Variants in NPRL3 observed in about 807,000 individuals in gnomAD.
NPRL3 encodes NPR3 like, GATOR1 complex subunit.
NPRL3 carries 23 observed loss-of-function variants against 57.2 expected under a neutral mutation model. The observed-to-expected ratio is 0.40, with a 90% CI of 0.29 to 0.57. The LOEUF (loss-of-function observed/expected upper bound fraction) is 0.57, where lower values mean the gene tolerates loss of function less well. NPRL3 is among the 20% of genes least tolerant of loss of function. NPRL3 has a pLI of 0.42. For missense variants in NPRL3, 691 were observed against 767.1 expected (o/e 0.90, Z 1.17); for synonymous variants, 333 against 321.1 (o/e 1.04, Z -0.39).
chr16:131,507 T>C lies in NPRL3; in HGVS notation c.119-916A>G, dbSNP rs1900793389. ...AAAAAAAAAAAAAATTAGCCGGGCA[T>C]GGTGGTGGGCACCTGTAATCCCAGC... On this transcript the variant is annotated intron_variant, in intron 2 of 13. Transcript: ENST00000611875. 2.2e-5 allele frequency among the ~76,000 whole-genome samples: 3 copies of C among 135,100 alleles called. No homozygotes were observed. In the South Asian group the frequency reaches 6.8e-4, roughly 31 times the overall value. 88.6% of individuals were successfully genotyped at this position (135,100 alleles called of 152,430 possible). A position where few individuals can be genotyped will look rare whatever the true frequency, so the allele number is the denominator to read the frequency against.
At chr16:125,145 C>T (rs2562166) in intron 3 of NPRL3, 9,455 of 154,836 alleles carry the variant, frequency 0.061, 990 homozygotes, top group African/African-American at 0.21. Flanking sequence ...ACACTGCTTT[C>T]CATGTATTCT....
Position 98,080 on chromosome 16 carries a change from C to T in NPRL3, c.924+65G>A, listed in dbSNP as rs866111108. 5.1e-6 allele frequency: 8 copies of T among 1,556,518 alleles called. No homozygotes were observed. The Middle Eastern group carries it at 7.5e-4, about 145-fold the overall frequency. On this transcript the variant is annotated intron_variant, in intron 9 of 13. Coordinates refer to ENST00000611875, the MANE Select transcript of NPRL3 (RefSeq NM_001077350.3). Reference sequence around the variant, plus strand: ...GCCCCTGTGGATGTACTGTGGCAGGCGGCCTGCCTTTCCTGATGCCCCAGC... The same window carrying T: ...GCCCCTGTGGATGTACTGTGGCAGGTGGCCTGCCTTTCCTGATGCCCCAGC...
intron 9 of NPRL3, 59 bp from the exon 10 acceptor site, chr16:93,384 C>A: frequency 9.0e-7 from 1 of 1,106,450 alleles, no homozygotes; most frequent in Admixed American, 2.0e-5. Context: ...CGGGAGCTGT[C>A]AGCAGCTCTC....
chr16:108,992 G>A (rs1370577349), intron 7 of NPRL3, among the ~76,000 whole-genome samples: 1 of 150,468 alleles, frequency 6.6e-6, no homozygotes, highest in Non-Finnish European at 1.5e-5. Context: ...TTTTTGATAC[G>A]CGGTCTGGCT....
chr16:119,894 G>A (rs797001395), intron 3 of NPRL3, among the ~76,000 whole-genome samples: 11 of 152,352 alleles, frequency 7.2e-5, no homozygotes, highest in African/African-American at 2.2e-4. Context: ...CCAAATGGCA[G>A]AAATACCAGG....
In NPRL3 at chr16:85,577, C is replaced by T. The variant is rs750309675; in HGVS notation, c.*1128G>A. 2.5e-5 allele frequency: 40 copies of T among 1,613,190 alleles called. No homozygotes were observed. The highest frequency in any genetic ancestry group is 8.3e-5 in the Admixed American group (5 of 59,982). On this transcript the variant is annotated 3_prime_UTR_variant, in exon 14 of 14. Transcript: ENST00000611875. ...CCTGGCCATCAACAAGAGCTTTGAC[C>T]AGAGGGACCTGGCACAGGATGAAGC... is the stretch of plus-strand genomic sequence containing the variant.
chr16:118,892 CA>C (rs1416633413), intron 4 of NPRL3, among the ~76,000 whole-genome samples: 1 of 151,618 alleles, frequency 6.6e-6, no homozygotes, highest in Non-Finnish European at 1.5e-5. Context: ...CACACCTGCC[CA>C]GGGGGAGCCA....
At position 114,653 on chromosome 16, in the gene NPRL3, C is replaced by G. The variant is rs79555041; in HGVS notation, c.394-1878G>C. Among the ~76,000 whole-genome samples the G allele has an allele frequency of 7.2e-4, 110 of 152,316 alleles. 1 individual carries two copies. The East Asian group carries it at 0.017, about 24-fold the overall frequency. Reference sequence around the variant, plus strand: ...GGCTGGGTTTGCATCCTGGTTCAGACAGTCCAGCTGTGAAAAGGCTTTAGC... The same window carrying G: ...GGCTGGGTTTGCATCCTGGTTCAGAGAGTCCAGCTGTGAAAAGGCTTTAGC... On this transcript the variant is annotated intron_variant, in intron 5 of 13. Transcript: ENST00000611875.
At chr16:86,959 C>A in intron 13 of NPRL3, 89 bp from the exon 14 acceptor site, 1 of 1,347,684 alleles carries the variant, frequency 7.4e-7, no homozygotes, top group Non-Finnish European at 1.0e-6. Context: ...CAGCTCTGAG[C>A]TGCCCACAGG....
At chr16:138,021 A>C in intron 2 of NPRL3, 129 bp downstream of exon 2, 1 of 662,318 alleles carries the variant, frequency 1.5e-6, no homozygotes, top group African/African-American at 1.8e-5. Context: ...CTACTTTTCA[A>C]ATACTCTACA....
In NPRL3 at chr16:85,963, G is replaced by A. The variant is rs1898449036; in HGVS notation, c.*742C>T. ...AGCGCCAGGCCCGGTGTGGATGCTG[G>A]GGAGAATCATCAGTGTGGGAGCCGA... On this transcript the variant is annotated 3_prime_UTR_variant, in exon 14 of 14. Transcript: ENST00000611875. 5.9e-6 allele frequency: 4 copies of A among 678,512 alleles called. No homozygotes were observed. The highest frequency in any genetic ancestry group is 8.6e-6 in the Non-Finnish European group (4 of 466,558). The allele number at this position is 678,512 out of a possible 1,614,324, so 42.0% of individuals were successfully genotyped here.
At chr16:101,491 G>C (rs1050845499) in intron 7 of NPRL3, among the ~76,000 whole-genome samples, 10 of 152,142 alleles carry the variant, frequency 6.6e-5, no homozygotes. Flanking sequence ...TGGTTCTTTC[G>C]GGTCCCAAAG....
chr16:85,493 G>A lies in NPRL3; in HGVS notation c.*1212C>T, dbSNP rs147661014. Reference sequence around the variant, plus strand: ...TCGCAGCACCCTCCGGAAAGGCACCGCCAGCCGTGTCCTCAAGGACCGCGA... The same window carrying A: ...TCGCAGCACCCTCCGGAAAGGCACCACCAGCCGTGTCCTCAAGGACCGCGA... On this transcript the variant is annotated 3_prime_UTR_variant, in exon 14 of 14. Coordinates refer to ENST00000611875, the MANE Select transcript of NPRL3 (RefSeq NM_001077350.3). The A allele has an allele frequency of 3.8e-5, 62 of 1,613,080 alleles. No homozygotes were observed. Among genetic ancestry groups the A allele is most frequent in the Admixed American group, 8.3e-5 (5 of 60,010 alleles).
At chr16:134,259 G>C (rs1900948637) in intron 2 of NPRL3, among the ~76,000 whole-genome samples, 1 of 148,732 alleles carries the variant, frequency 6.7e-6, no homozygotes, top group Admixed American at 6.7e-5. Context: ...TCACAGTGTG[G>C]GATGACAATT....
intron 10 of NPRL3, 51 bp downstream of exon 10, chr16:93,168 C>G: frequency 8.1e-7 from 1 of 1,238,170 alleles, no homozygotes; most frequent in East Asian, 2.5e-5. Context: ...CCCTGCCAGC[C>G]TCACCCCTTC....
chr16:106,629 TAAAAAAAAAAAAAAAA>T (rs763058746), intron 7 of NPRL3, among the ~76,000 whole-genome samples: 2 of 60,092 alleles, frequency 3.3e-5, no homozygotes, highest in South Asian at 1.1e-3. Flanking sequence ...TGCCTTAAAT[TAAAAAAAAAAAAAAAA>T]AAAAAAAAAA....
chr16:97,915 CAGA>C (rs1197315998), intron 9 of NPRL3, among the ~76,000 whole-genome samples: 1 of 152,178 alleles, frequency 6.6e-6, no homozygotes, highest in African/African-American at 2.4e-5. Flanking sequence ...CTCTCTGAGA[CAGA>C]AGAACAAGTC....
chr16:97,341 C>T (rs1021062008), intron 9 of NPRL3, among the ~76,000 whole-genome samples: 20 of 151,822 alleles, frequency 1.3e-4, no homozygotes, highest in Admixed American at 1.0e-3. Flanking sequence ...GCCTCCCAGG[C>T]TCAATTGATC....
At chr16:124,763 AT>A (rs1181233919) in intron 3 of NPRL3, among the ~76,000 whole-genome samples, 1 of 152,116 alleles carries the variant, frequency 6.6e-6, no homozygotes, top group African/African-American at 2.4e-5. Flanking sequence ...CTGAGTTGAG[AT>A]TTTTAGAAAC....
Sources: gnomAD v4.1 joint callset for allele counts (sites outside exome capture counted in the v4.1 genomes callset) on GRCh38, gnomAD v4.1.1 for gene constraint, MANE v1.5 for transcripts, NCBI Gene and HGNC (gene_info 2026-07-23, HGNC 2026-07-21) for gene names.